Variants in MSANTD5 observed in about 807,000 individuals in gnomAD.
MSANTD5 encodes uncharacterized protein MSANTD5.
At chr5:178,693,837 C>G (rs184775593), downstream of MSANTD5, among the ~76,000 whole-genome samples, 594 of 152,104 alleles carry the variant, frequency 3.9e-3, 18 homozygotes, top group African/African-American at 0.014. Context: ...CAGAAAAGTT[C>G]TCCAAGTCCC....
intron 1 of MSANTD5, among the ~76,000 whole-genome samples, chr5:178,697,250 C>G (rs370133371): frequency 3.3e-5 from 5 of 150,534 alleles, no homozygotes; most frequent in East Asian, 3.9e-4. Flanking sequence ...GTCAGGAGAT[C>G]GAGACCATCC....
chr5:178,706,504 G>C, the MSANTD5 span, among the ~76,000 whole-genome samples: 1 of 151,808 alleles, frequency 6.6e-6, no homozygotes, highest in Non-Finnish European at 1.5e-5. Context: ...CAAGGGCTGG[G>C]ACCTACTCAA....
At chr5:178,701,974 C>T (rs547330988), upstream of MSANTD5, among the ~76,000 whole-genome samples, 2 of 150,924 alleles carry the variant, frequency 1.3e-5, no homozygotes, top group South Asian at 2.1e-4. Flanking sequence ...CTCAGGTGAT[C>T]CACCCGCCTC....
chr5:178,706,807 C>A, the MSANTD5 span: 1 of 152,088 alleles, frequency 6.6e-6, no homozygotes. Flanking sequence ...CAGATCATGA[C>A]CTTGGGAATC....
the MSANTD5 span, chr5:178,706,909 A>T: frequency 1.3e-5 from 2 of 152,072 alleles, no homozygotes; most frequent in Non-Finnish European, 2.9e-5. Context: ...TTTAGTCCAT[A>T]TTCAACCTCC....
chr5:178,694,052 C>T (rs1313584334), downstream of MSANTD5, among the ~76,000 whole-genome samples: 1 of 152,026 alleles, frequency 6.6e-6, no homozygotes, highest in Non-Finnish European at 1.5e-5. Flanking sequence ...CGCAGTGGCT[C>T]ACGCCTGTAA....
At chr5:178,692,145 C>T (rs914743338), downstream of MSANTD5, among the ~76,000 whole-genome samples, 3 of 132,916 alleles carry the variant, frequency 2.3e-5, no homozygotes, top group Admixed American at 1.5e-4. Flanking sequence ...TTTGGGAGGC[C>T]GAGGTGGGTG....
At chr5:178,696,130 C>T (rs996797320) in exon 2 of MSANTD5, 4 of 152,020 alleles carry the variant, frequency 2.6e-5, no homozygotes, top group African/African-American at 7.3e-5. Context: ...GCTGTGTTTT[C>T]CTGCTCCATT....
At chr5:178,701,061 C>T (rs1364326602), upstream of MSANTD5, among the ~76,000 whole-genome samples, 3 of 152,182 alleles carry the variant, frequency 2.0e-5, no homozygotes, top group Non-Finnish European at 4.4e-5. Flanking sequence ...GCAAGCTCTG[C>T]CTCCCAGGTT....
downstream of MSANTD5, among the ~76,000 whole-genome samples, chr5:178,694,199 C>T (rs899799522): frequency 6.6e-6 from 1 of 151,574 alleles, no homozygotes; most frequent in Non-Finnish European, 1.5e-5. Context: ...CGCCTGTAAT[C>T]CCAGCTATTC....
downstream of MSANTD5, among the ~76,000 whole-genome samples, chr5:178,693,085 G>A (rs1044792751): frequency 8.6e-5 from 13 of 151,928 alleles, no homozygotes; most frequent in South Asian, 4.1e-4. Flanking sequence ...TGAGGCGGGC[G>A]GATCACCTGA....
upstream of MSANTD5, among the ~76,000 whole-genome samples, chr5:178,698,232 A>G (rs1765440213): frequency 6.6e-6 from 1 of 152,196 alleles, no homozygotes; most frequent in South Asian, 2.1e-4. Flanking sequence ...GAGAGAGGCG[A>G]ACAGAGCTTT....
the MSANTD5 span, among the ~76,000 whole-genome samples, chr5:178,704,511 C>T: frequency 2.0e-5 from 3 of 152,168 alleles, no homozygotes; most frequent in African/African-American, 2.4e-5. Flanking sequence ...TCCCAACCTC[C>T]GCAATGTGAG....
chr5:178,694,560 A>C (rs1765390644), downstream of MSANTD5: 1 of 152,250 alleles, frequency 6.6e-6, no homozygotes, highest in South Asian at 2.1e-4. Flanking sequence ...GAAAGGGATG[A>C]GGTCACGGTC....
chr5:178,694,190 G>A (rs925500639), downstream of MSANTD5, among the ~76,000 whole-genome samples: 2 of 151,724 alleles, frequency 1.3e-5, no homozygotes, highest in African/African-American at 2.4e-5. Context: ...GGTGGCGGGC[G>A]CCTGTAATCC....
rs888135635 is a variant in MSANTD5 at position 178,696,191 on chromosome 5, A to G, written c.7-10T>C. The G allele has an allele frequency of 1.8e-4, 28 of 152,034 alleles. 1 individual carries two copies. Among genetic ancestry groups the G allele is most frequent in the African/African-American group, 3.9e-4 (16 of 41,336 alleles). The allele number at this position is 152,034 out of a possible 1,614,324, so 9.4% of individuals were successfully genotyped here. A position where few individuals can be genotyped will look rare whatever the true frequency, so the allele number is the denominator to read the frequency against. ...TGGGAAGTATTACTATCTAATAAAA[A>G]AAAAAGATAAATACATATTAGAATC... On this transcript the variant is annotated splice_polypyrimidine_tract_variant and intron_variant, in intron 1 of 3. Transcript: ENST00000648368.
At chr5:178,702,710 G>A in the MSANTD5 span, among the ~76,000 whole-genome samples, 1 of 151,982 alleles carries the variant, frequency 6.6e-6, no homozygotes, top group Admixed American at 6.6e-5. Context: ...CAATTCTTCT[G>A]CCTCAGCCTC....
At chr5:178,691,655 C>T (rs192249972), downstream of MSANTD5, among the ~76,000 whole-genome samples, 9 of 135,152 alleles carry the variant, frequency 6.7e-5, no homozygotes, top group African/African-American at 2.4e-4. Context: ...TCCCATAAAA[C>T]GAATATCTAG....
chr5:178,692,189 G>C (rs1765363937), downstream of MSANTD5, among the ~76,000 whole-genome samples: 1 of 134,228 alleles, frequency 7.5e-6, no homozygotes, highest in Admixed American at 7.5e-5. Flanking sequence ...AGACAAGCCT[G>C]GCCAATATGG....
Sources: allele counts gnomAD v4.1 joint callset (sites outside exome capture counted in the v4.1 genomes callset), GRCh38; gene constraint gnomAD v4.1.1; transcripts MANE v1.5; gene names NCBI Gene and HGNC (gene_info 2026-07-23, HGNC 2026-07-21).